The following RNF20 variants were observed in gnomAD, a reference collection of about 807,000 sequenced individuals.
RNF20 encodes E3 ubiquitin-protein ligase BRE1A.
A neutral mutation model predicts 126.2 loss-of-function variants in RNF20; 84 were observed. The ratio of observed to expected loss-of-function variants is 0.67; its 90% CI spans 0.56 to 0.80. RNF20 has a LOEUF of 0.80. Among genes scored for constraint, RNF20 ranks in the 30% least tolerant of loss-of-function variants. The pLI is 0.00. For missense variants in RNF20, 869 were observed against 1,188.2 expected, an observed-to-expected ratio of 0.73 and a Z score of 3.95; for synonymous variants, 400 against 414.3, an observed-to-expected ratio of 0.97 and a Z score of 0.42.
intron 9 of RNF20, among the ~76,000 whole-genome samples, chr9:101,550,296 CTA>C (rs1827421926): frequency 6.6e-6 from 1 of 152,140 alleles, no homozygotes; most frequent in Non-Finnish European, 1.5e-5. Context: ...GGGTCCTCAA[CTA>C]TGTTTTTAAA....
intron 13 of RNF20, among the ~76,000 whole-genome samples, chr9:101,553,227 A>G (rs1170639523): frequency 6.6e-6 from 1 of 152,220 alleles, no homozygotes; most frequent in Admixed American, 6.5e-5. Flanking sequence ...TCCTATACAC[A>G]TTGACACACT....
chr9:101,551,691 AG>A lies in RNF20; in HGVS notation c.1282del (p.Val428LeufsTer7). On this transcript the variant is annotated frameshift_variant, in exon 11 of 20. Coordinates refer to ENST00000389120, the MANE Select transcript of RNF20 (RefSeq NM_019592.7). LOFTEE classifies it high-confidence loss of function. ...TCCTTTATCTGTGTGTAGCGAGATG[AG>A]GTTAGTCTTCATAAGAAGCTGAGGA... Reference protein sequence around the residue: ...QHQVELIERDEVSLHKKLRTE... With the variant: ...QHQVELIERDXVSLHKKLRTE... 1 of 1,597,504 alleles carries A rather than the reference AG, an allele frequency of 6.3e-7. No homozygotes were observed. The highest frequency in any genetic ancestry group is 8.5e-7 in the Non-Finnish European group (1 of 1,175,362).
chr9:101,547,500 A>C lies in RNF20; in HGVS notation c.1074A>C (p.Thr358=). The C allele has an allele frequency of 6.2e-7, 1 of 1,614,122 alleles. No homozygotes were observed. The highest frequency in any genetic ancestry group is 8.5e-7 in the Non-Finnish European group (1 of 1,179,986). The change falls in exon 9 of 20, where the codon ACA becomes ACC. Residue 358 remains threonine (T), a synonymous_variant. Transcript: ENST00000389120. ...KLRQDFEEVT[T]QNEKLKVELR... Reference sequence around the variant, plus strand: ...GGCAAGACTTTGAGGAGGTCACTACACAAAATGAAAAGCTGAAGGTAGGAA... The same window carrying C: ...GGCAAGACTTTGAGGAGGTCACTACCCAAAATGAAAAGCTGAAGGTAGGAA...
chr9:101,540,770 T>C, intron 4 of RNF20, 23 bp from the exon 5 acceptor site: 4 of 1,585,764 alleles, frequency 2.5e-6, no homozygotes, highest in African/African-American at 1.4e-5. Context: ...GGGGGGCTTC[T>C]TTTTTTCCCC....
chr9:101,535,052 C>T (rs1292150832), intron 1 of RNF20, among the ~76,000 whole-genome samples: 2 of 151,742 alleles, frequency 1.3e-5, no homozygotes, highest in Non-Finnish European at 2.9e-5. Context: ...GGACTACCGG[C>T]GCCCGCCACC....
intron 9 of RNF20, among the ~76,000 whole-genome samples, chr9:101,550,110 A>T (rs893613449): frequency 6.6e-6 from 1 of 152,216 alleles, no homozygotes; most frequent in African/African-American, 2.4e-5. Flanking sequence ...AGGTTAAATG[A>T]TATGAATAAA....
chr9:101,556,970 C>G (rs2118733650), intron 15 of RNF20, among the ~76,000 whole-genome samples: 1 of 152,252 alleles, frequency 6.6e-6, no homozygotes, highest in Non-Finnish European at 1.5e-5. Context: ...TTATTAGATA[C>G]CAGTCTTCAC....
At position 101,547,521 on chromosome 9, in the gene RNF20, A is replaced by G. The variant is rs371416007; in HGVS notation, c.1092+3A>G. The G allele has an allele frequency of 2.2e-4, 351 of 1,613,916 alleles. No individual in the cohort carries two copies. Among genetic ancestry groups the G allele is most frequent in the Middle Eastern group, 1.2e-3 (7 of 6,058 alleles). ...CTACACAAAATGAAAAGCTGAAGGT[A>G]GGAACGCATCCCTGAAGGGCAGTAA... On this transcript the variant is annotated splice_donor_region_variant and intron_variant, in intron 9 of 19. Transcript: ENST00000389120.
rs780384555 is a variant in RNF20 at position 101,552,542 on chromosome 9, C to T, written c.1690C>T (p.Arg564Trp). 1.1e-5 allele frequency: 17 copies of T among 1,613,108 alleles called. No individual in the cohort carries two copies. The highest frequency in any genetic ancestry group is 4.5e-5 in the East Asian group (2 of 44,834). The change falls in exon 13 of 20, where the codon CGG (arginine) becomes TGG (tryptophan). Residue 564 changes from arginine to tryptophan, a missense_variant. Around this residue, in one of 8 missense-constraint regions of RNF20, gnomAD observed 231 missense variants for 263.6 expected, o/e 0.88. Coordinates refer to ENST00000389120, the MANE Select transcript of RNF20 (RefSeq NM_019592.7). ...QEDANEIKSK[R>W]DEEERERERR... ...GGATGCCAATGAAATCAAGTCTAAA[C>T]GGGATGAAGAAGAACGAGAACGAGA...
intron 9 of RNF20, among the ~76,000 whole-genome samples, chr9:101,550,272 C>A (rs1461397223): frequency 6.6e-6 from 1 of 152,152 alleles, no homozygotes; most frequent in Non-Finnish European, 1.5e-5. Flanking sequence ...TTAAAGAGAA[C>A]AAGTTAGTGA....
chr9:101,552,404 G>T lies in RNF20; in HGVS notation c.1552G>T (p.Ala518Ser), dbSNP rs1169680883. Reference protein sequence around the residue: ...LNKTRLRSGSALLQSQSSTED... With the variant: ...LNKTRLRSGSSLLQSQSSTED... Reference sequence around the variant, plus strand: ...CCAGACACGCCTGCGTAGTGGTAGTGCCCTCCTGCAGTCCCAGTCTAGTAC... The same window carrying T: ...CCAGACACGCCTGCGTAGTGGTAGTTCCCTCCTGCAGTCCCAGTCTAGTAC... The change falls in exon 13 of 20, where the codon GCC (alanine) becomes TCC (serine). Residue 518 changes from alanine to serine, a missense_variant. By Grantham distance (99) the Ala-to-Ser change is moderately conservative. This residue lies in a region of RNF20 where 231 missense variants were observed against 263.6 expected (regional missense o/e 0.88). Coordinates refer to ENST00000389120, the MANE Select transcript of RNF20 (RefSeq NM_019592.7). 1.2e-6 allele frequency: 2 copies of T among 1,605,254 alleles called. No homozygotes were observed. Among genetic ancestry groups the T allele is most frequent in the African/African-American group, 2.7e-5 (2 of 74,574 alleles).
intron 9 of RNF20, among the ~76,000 whole-genome samples, chr9:101,547,988 C>T (rs1458470440): frequency 6.6e-6 from 1 of 152,084 alleles, no homozygotes; most frequent in African/African-American, 2.4e-5. Context: ...ACAGAATCAA[C>T]ATACAAAAAC....
At position 101,552,172 on chromosome 9, in the gene RNF20, C is replaced by A; in HGVS notation, c.1440C>A (p.Ile480=). 1 of 1,614,126 alleles carries A rather than the reference C, an allele frequency of 6.2e-7. No individual in the cohort carries two copies. Among genetic ancestry groups the A allele is most frequent in the Non-Finnish European group, 8.5e-7 (1 of 1,180,018 alleles). ...TAAACAGGGAGATGCGCCACCTCAT[C>A]AGTAGCCTCCAGAATCACAATCACC... is the stretch of plus-strand genomic sequence containing the variant. ...GPINREMRHL[I]SSLQNHNHQL... The change falls in exon 12 of 20, where the codon ATC becomes ATA. Residue 480 remains isoleucine (I), a synonymous_variant. Transcript: ENST00000389120.
rs1827506055 is a variant in RNF20, at chr9:101,554,762, T to C, written c.2088T>C (p.Ala696=). Residue 696 remains alanine (A), a synonymous_variant, in exon 15 of 20, where the codon GCT becomes GCC. Transcript: ENST00000389120. ...DKEKKENKKM[A]DEDALRKIRA... is the part of the protein sequence containing the mutation. ...AGAAGAAAGAGAACAAGAAAATGGC[T>C]GATGAGGATGCCTTGAGGAAGATCC... is the stretch of plus-strand genomic sequence containing the variant. 6.2e-7 allele frequency: 1 copy of C among 1,605,916 alleles called. No homozygotes were observed. Among genetic ancestry groups the C allele is most frequent in the South Asian group, 1.1e-5 (1 of 90,286 alleles).
intron 15 of RNF20, among the ~76,000 whole-genome samples, chr9:101,556,108 C>T (rs1165551893): frequency 1.3e-5 from 2 of 151,768 alleles, no homozygotes; most frequent in South Asian, 2.1e-4. Context: ...TTCTTGTATA[C>T]GATGACTATC....
chr9:101,555,687 CATGCCTGTA>C (rs1827521293), intron 15 of RNF20, among the ~76,000 whole-genome samples: 1 of 151,910 alleles, frequency 6.6e-6, no homozygotes, highest in Non-Finnish European at 1.5e-5. Flanking sequence ...CGCGGTGGCT[CATGCCTGTA>C]ATCCCAGCAC....
At chr9:101,545,125 C>G (rs1827327726) in intron 6 of RNF20, among the ~76,000 whole-genome samples, 1 of 152,174 alleles carries the variant, frequency 6.6e-6, no homozygotes. Context: ...GAAGTAGAAA[C>G]TACTGTATTG....
rs377031463 is a variant in RNF20, at chr9:101,553,976, C to T, written c.1902-12C>T. 1.9e-5 allele frequency: 28 copies of T among 1,479,246 alleles called. No individual in the cohort carries two copies. The highest frequency in any genetic ancestry group is 3.4e-5 in the Admixed American group (2 of 59,400). 91.6% of individuals were successfully genotyped at this position (1,479,246 alleles called of 1,614,324 possible). A position where few individuals can be genotyped will look rare whatever the true frequency, so the allele number is the denominator to read the frequency against. On this transcript the variant is annotated splice_polypyrimidine_tract_variant and intron_variant, in intron 13 of 19. Transcript: ENST00000389120. The stretch of plus-strand genomic sequence containing the variant: ...TTACATTGTTCCCCTCCCTCTACTA[C>T]GCCTGTCATAGGAAGGCACAGGAGA...
At chr9:101,550,906 G>A (rs1827434280) in intron 10 of RNF20, 121 bp downstream of exon 10, 1 of 912,512 alleles carries the variant, frequency 1.1e-6, no homozygotes, top group Admixed American at 1.9e-5. Context: ...AGTGGCAGTA[G>A]GTCTTTACTC....
Sources: allele counts gnomAD v4.1 joint callset (sites outside exome capture counted in the v4.1 genomes callset), GRCh38; gene constraint gnomAD v4.1.1; regional missense constraint gnomAD v4.1.1; transcripts MANE v1.5; gene names NCBI Gene and HGNC (gene_info 2026-07-23, HGNC 2026-07-21).